The following SEMA4D variants were observed in gnomAD, a reference collection of about 807,000 sequenced individuals.
SEMA4D encodes semaphorin 4D, also known as semaphorin-4D.
A neutral mutation model predicts 74.8 loss-of-function variants in SEMA4D; 22 were observed. The ratio of observed to expected loss-of-function variants is 0.29; its 90% CI spans 0.21 to 0.42. The LOEUF (loss-of-function observed/expected upper bound fraction) is 0.42. Ranked by LOEUF, SEMA4D falls within the 10% of genes least tolerant of loss-of-function variation. The probability of loss-of-function intolerance (pLI) is 1.00; values close to 1 mark genes in which losing one functional copy is unlikely to be tolerated. For missense variants in SEMA4D, 937 were observed against 1,118.4 expected (o/e 0.84, Z 2.31); for synonymous variants, 445 against 463.7 (o/e 0.96, Z 0.52).
intron 5 of SEMA4D, among the ~76,000 whole-genome samples, chr9:89,398,272 G>A (rs1022007304): frequency 2.0e-5 from 3 of 152,164 alleles, no homozygotes; most frequent in Non-Finnish European, 4.4e-5. Flanking sequence ...AAGAGAAGGT[G>A]CTGGACTAGA....
At chr9:89,488,035 CACT>C (rs1399587009) in intron 1 of SEMA4D, among the ~76,000 whole-genome samples, 21 of 152,268 alleles carry the variant, frequency 1.4e-4, no homozygotes, top group Admixed American at 1.3e-3. Flanking sequence ...CTAGAACCGA[CACT>C]ACAATTTTGA....
At chr9:89,414,041 G>GAA (rs1845144810) in intron 2 of SEMA4D, among the ~76,000 whole-genome samples, 1 of 152,172 alleles carries the variant, frequency 6.6e-6, no homozygotes, top group South Asian at 2.1e-4. Context: ...ATGCCATCTG[G>GAA]GGACTGTCCA....
At chr9:89,383,828 C>T (rs570065063) in intron 13 of SEMA4D, among the ~76,000 whole-genome samples, 162 of 152,292 alleles carry the variant, frequency 1.1e-3, no homozygotes, top group Non-Finnish European at 1.7e-3. Context: ...GAGTGAGGCC[C>T]GCTGAGAGCA....
chr9:89,453,921 G>GCC (rs1855279579), intron 2 of SEMA4D, among the ~76,000 whole-genome samples: 1 of 147,520 alleles, frequency 6.8e-6, no homozygotes, highest in African/African-American at 2.5e-5. Flanking sequence ...GCAGTGGCGC[G>GCC]ATCTTGGCTC....
chr9:89,496,329 G>A (rs755520457), intron 1 of SEMA4D, among the ~76,000 whole-genome samples: 1 of 152,162 alleles, frequency 6.6e-6, no homozygotes, highest in Non-Finnish European at 1.5e-5. Flanking sequence ...GCATCCCCAC[G>A]GTGGCCTTTT....
In SEMA4D at chr9:89,393,555, G is replaced by A. The variant is rs975093192; in HGVS notation, c.508+7C>T. 1.2e-6 allele frequency: 2 copies of A among 1,610,472 alleles called. No individual in the cohort carries two copies. The highest frequency in any genetic ancestry group is 1.3e-5 in the African/African-American group (1 of 74,856). The stretch of plus-strand genomic sequence containing the variant: ...CACGGTGAAGGAACTGGAGGGGCAG[G>A]ACTCACCAACCATGACGGATGTGTA... On this transcript the variant is annotated splice_region_variant and intron_variant, in intron 7 of 15. Transcript: ENST00000422704.
intron 2 of SEMA4D, among the ~76,000 whole-genome samples, chr9:89,430,973 T>C (rs1368284808): frequency 1.3e-5 from 2 of 152,174 alleles, no homozygotes; most frequent in Non-Finnish European, 2.9e-5. Context: ...CGAGACTCCA[T>C]CTTGAGGGAA....
chr9:89,379,797 G>A (rs1836598681), intron 15 of SEMA4D, among the ~76,000 whole-genome samples, 168 bp from the exon 16 acceptor site: 1 of 152,184 alleles, frequency 6.6e-6, no homozygotes, highest in Non-Finnish European at 1.5e-5. Context: ...AAGCAAAGAT[G>A]AGCCCTGGAT....
chr9:89,480,371 C>T (rs1480454442), intron 1 of SEMA4D, among the ~76,000 whole-genome samples: 2 of 152,398 alleles, frequency 1.3e-5, no homozygotes, highest in African/African-American at 4.8e-5. Context: ...GGATCCCGCA[C>T]CGGGGCTGCA....
chr9:89,449,456 TCTC>T (rs1456883456), intron 2 of SEMA4D: 1 of 661,996 alleles, frequency 1.5e-6, no homozygotes, highest in African/African-American at 1.8e-5. Flanking sequence ...TCGCTGGCCC[TCTC>T]CTCGAGGATC....
In SEMA4D at chr9:89,388,128, C is replaced by T. The variant is rs114697696; in HGVS notation, c.1107+508G>A. Among the ~76,000 whole-genome samples, 472 of 152,284 alleles carry T rather than the reference C, an allele frequency of 3.1e-3. 1 individual carries two copies. The highest frequency in any genetic ancestry group is 0.011 in the African/African-American group (445 of 41,542). Reference sequence around the variant, plus strand: ...AGGGACAGCTGCCCTTGGGAGGGAGCTGGTGCTGCAGTGAACTCTGAGGGC... The same window carrying T: ...AGGGACAGCTGCCCTTGGGAGGGAGTTGGTGCTGCAGTGAACTCTGAGGGC... On this transcript the variant is annotated intron_variant, in intron 11 of 15. Coordinates refer to ENST00000422704, the MANE Select transcript of SEMA4D (RefSeq NM_001371194.2).
intron 6 of SEMA4D, 91 bp downstream of exon 6, chr9:89,396,646 T>G (rs2133377987): frequency 9.5e-7 from 1 of 1,056,326 alleles, no homozygotes; most frequent in South Asian, 1.4e-5. Flanking sequence ...TTTTTTAGGG[T>G]GGAGACAGCT....
chr9:89,453,029 C>T (rs994122169), intron 2 of SEMA4D, among the ~76,000 whole-genome samples: 5 of 152,166 alleles, frequency 3.3e-5, no homozygotes, highest in African/African-American at 1.2e-4. Context: ...AAGTAATTAC[C>T]TCCCCTTTCA....
rs1377488736 is a variant in SEMA4D at position 89,371,116 on chromosome 9, G to GT, written c.1882+5716_1882+5717insA. ...GGGGTGTATAAGGTGTGTGTGGGGG[G>GT]GTGTGGTGTGTATGTCTGGGGTGTG... On this transcript the variant is annotated intron_variant, in intron 16 of 18. Transcript: ENST00000339861. Among the ~76,000 whole-genome samples the GT allele has an allele frequency of 8.0e-5, 8 of 99,404 alleles. 1 individual carries two copies. The highest frequency in any genetic ancestry group is 2.4e-4 in the African/African-American group (6 of 25,084). 65.2% of individuals were successfully genotyped at this position (99,404 alleles called of 152,430 possible). A position where few individuals can be genotyped will look rare whatever the true frequency, so the allele number is the denominator to read the frequency against.
exon 19 of SEMA4D, chr9:89,361,444 A>ACTGT (rs1413108096): frequency 2.6e-5 from 4 of 152,188 alleles, no homozygotes; most frequent in Non-Finnish European, 5.9e-5. Flanking sequence ...AGACATGAAA[A>ACTGT]CTGTCATTCA....
intron 1 of SEMA4D, among the ~76,000 whole-genome samples, chr9:89,459,523 A>T (rs969822981): frequency 2.0e-5 from 3 of 152,202 alleles, no homozygotes; most frequent in Non-Finnish European, 4.4e-5. Flanking sequence ...GAAACAGCCT[A>T]CAAGGGTGTT....
rs762531904 is a variant in SEMA4D, at chr9:89,389,065, A to G, written c.775-18T>C. ...TGGTCCCCCTAAAACCCCAACAAGA[A>G]GACGTGGTGGGCCGAGAGTGGATCC... is the stretch of plus-strand genomic sequence containing the variant. On this transcript the variant is annotated intron_variant, in intron 9 of 15. Transcript: ENST00000422704. The G allele has an allele frequency of 6.2e-7, 1 of 1,613,652 alleles. No homozygotes were observed. The highest frequency in any genetic ancestry group is 8.5e-7 in the Non-Finnish European group (1 of 1,179,676).
intron 2 of SEMA4D, among the ~76,000 whole-genome samples, chr9:89,442,303 C>T (rs1454730810): frequency 6.6e-6 from 1 of 152,236 alleles, no homozygotes; most frequent in Non-Finnish European, 1.5e-5. Flanking sequence ...CCCACTCCAG[C>T]CCCACTGGCC....
At chr9:89,480,221 G>C (rs1051564935) in intron 1 of SEMA4D, among the ~76,000 whole-genome samples, 3 of 152,104 alleles carry the variant, frequency 2.0e-5, no homozygotes, top group African/African-American at 7.2e-5. Flanking sequence ...AGAGCAGCTA[G>C]ATACAGAGTG....
Sources: allele counts gnomAD v4.1 joint callset (sites outside exome capture counted in the v4.1 genomes callset), GRCh38; gene constraint gnomAD v4.1.1; transcripts MANE v1.5; gene names NCBI Gene and HGNC (gene_info 2026-07-23, HGNC 2026-07-21).